CCDC171: variants seen among roughly 807,000 people sequenced by gnomAD.
CCDC171 encodes the protein coiled-coil domain-containing protein 171.
In CCDC171, 177 loss-of-function variants were observed where a neutral mutation model predicts 168.2. The observed-to-expected ratio is 1.05, with a 90% CI of 0.93 to 1.19. CCDC171 has a LOEUF of 1.19. Ranked by LOEUF, CCDC171 falls within the 50% of genes most tolerant of loss-of-function variation. CCDC171 has a pLI of 0.00. For missense variants in CCDC171, 1,991 were observed against 1,539.0 expected (o/e 1.29, Z -4.91); for synonymous variants, 687 against 540.8 (o/e 1.27, Z -3.75).
chr9:15,576,390 G>A (rs1407268133), intron 3 of CCDC171, among the ~76,000 whole-genome samples: 1 of 151,940 alleles, frequency 6.6e-6, no homozygotes, highest in Non-Finnish European at 1.5e-5. Context: ...GTCTTGCTGT[G>A]TTGCTCAGGT....
chr9:16,013,851 T>C (rs1473224289), intron 3 of CCDC171, among the ~76,000 whole-genome samples: 1 of 152,258 alleles, frequency 6.6e-6, no homozygotes, highest in Non-Finnish European at 1.5e-5. Context: ...AAAAATATTT[T>C]CTTGTAAAAC....
At chr9:16,077,122 T>A in the CCDC171 span, among the ~76,000 whole-genome samples, 1 of 152,142 alleles carries the variant, frequency 6.6e-6, no homozygotes, top group African/African-American at 2.4e-5. Flanking sequence ...CAGGTGGGAT[T>A]CCTTGACTTC....
chr9:16,023,707 T>C (rs1407765720), intron 6 of CCDC171, among the ~76,000 whole-genome samples: 1 of 152,178 alleles, frequency 6.6e-6, no homozygotes, highest in Non-Finnish European at 1.5e-5. Flanking sequence ...ATTCAACTTT[T>C]TTTTTGCTTT....
downstream of CCDC171, among the ~76,000 whole-genome samples, chr9:15,978,314 A>C (rs1831683577): frequency 6.6e-6 from 1 of 152,184 alleles, no homozygotes; most frequent in Non-Finnish European, 1.5e-5. Context: ...CACAATTAAA[A>C]GTGCTTTCTA....
At position 15,623,382 on chromosome 9, in the gene CCDC171, A is replaced by G. The variant is rs775878363; in HGVS notation, c.791A>G (p.Gln264Arg). The change falls in exon 7 of 26, where the codon CAA becomes CGA. Residue 264 changes from glutamine (Q) to arginine (R), a missense_variant. Physicochemically the swap from Gln to Arg is conservative, Grantham distance 43. Transcript: ENST00000380701. ...ACAAGTGAACTTGAATTTAGCACTC[A>G]ACGAGAGGAACGCCTTAGAAAAGAA... ...RQTSELEFST[Q>R]REERLRKEFE... The G allele has an allele frequency of 2.5e-6, 4 of 1,611,610 alleles. No homozygotes were observed. The highest frequency in any genetic ancestry group is 3.4e-6 in the Non-Finnish European group (4 of 1,178,568).
intron 25 of CCDC171, among the ~76,000 whole-genome samples, chr9:15,953,588 T>A (rs1829450399): frequency 6.6e-6 from 1 of 152,160 alleles, no homozygotes; most frequent in East Asian, 1.9e-4. Flanking sequence ...TTGTATTTTG[T>A]TGAGGATTTT....
intron 23 of CCDC171, among the ~76,000 whole-genome samples, chr9:15,855,811 T>G (rs1454082019): frequency 1.3e-5 from 2 of 151,862 alleles, no homozygotes; most frequent in Non-Finnish European, 2.9e-5. Flanking sequence ...TTTAAAAAAT[T>G]TTGCTCTTAA....
intron 7 of CCDC171, among the ~76,000 whole-genome samples, chr9:15,646,758 T>C (rs910914123): frequency 2.0e-5 from 3 of 152,148 alleles, no homozygotes; most frequent in African/African-American, 7.2e-5. Context: ...AAACAAATCC[T>C]TAGAGACCTA....
chr9:15,910,463 C>T (rs771362968), intron 24 of CCDC171, among the ~76,000 whole-genome samples: 111 of 152,152 alleles, frequency 7.3e-4, no homozygotes, highest in Admixed American at 3.4e-3. Context: ...ATTTTGCTTA[C>T]GATAGCCTTG....
chr9:15,667,211 A>T (rs2048794071), intron 9 of CCDC171, among the ~76,000 whole-genome samples: 1 of 152,132 alleles, frequency 6.6e-6, no homozygotes, highest in South Asian at 2.1e-4. Flanking sequence ...TTCCCCCCCC[A>T]GAGGGTGAAA....
At chr9:15,673,662 A>T (rs1396176822) in intron 9 of CCDC171, among the ~76,000 whole-genome samples, 1 of 152,142 alleles carries the variant, frequency 6.6e-6, no homozygotes, top group East Asian at 1.9e-4. Flanking sequence ...ATTCATTTGC[A>T]TATATTGAAC....
chr9:15,719,873 CT>C (rs146274717), intron 11 of CCDC171, among the ~76,000 whole-genome samples: 4,146 of 151,254 alleles, frequency 0.027, 216 homozygotes, highest in African/African-American at 0.095. Context: ...TTATACATTA[CT>C]TTTTTTTTCA....
At chr9:15,722,186 G>T (rs1238372298) in intron 12 of CCDC171, among the ~76,000 whole-genome samples, 1 of 152,124 alleles carries the variant, frequency 6.6e-6, no homozygotes, top group Non-Finnish European at 1.5e-5. Flanking sequence ...AAGTTAATAT[G>T]TACTGTATTT....
At chr9:16,083,390 C>A in the CCDC171 span, among the ~76,000 whole-genome samples, 1 of 152,284 alleles carries the variant, frequency 6.6e-6, no homozygotes, top group South Asian at 2.1e-4. Flanking sequence ...GGGTTCTACT[C>A]TCTTTCTACC....
At chr9:15,803,195 C>T (rs1196853141) in intron 21 of CCDC171, among the ~76,000 whole-genome samples, 2 of 152,120 alleles carry the variant, frequency 1.3e-5, no homozygotes, top group Non-Finnish European at 1.5e-5. Context: ...AAAAATTTCT[C>T]CCATTCTTAG....
At chr9:16,022,098 G>A (rs112007898) in intron 4 of CCDC171, among the ~76,000 whole-genome samples, 2,787 of 152,274 alleles carry the variant, frequency 0.018, 79 homozygotes, top group African/African-American at 0.062. Flanking sequence ...CATATGAGTG[G>A]TGGACACAGT....
intron 3 of CCDC171, among the ~76,000 whole-genome samples, chr9:16,012,868 C>T (rs886567184): frequency 7.9e-5 from 12 of 152,130 alleles, no homozygotes; most frequent in Admixed American, 4.6e-4. Flanking sequence ...GCTGAATTTA[C>T]AGGCAGAGAG....
intron 16 of CCDC171, among the ~76,000 whole-genome samples, chr9:15,742,954 T>C (rs1369425336): frequency 6.6e-6 from 1 of 152,020 alleles, no homozygotes; most frequent in Non-Finnish European, 1.5e-5. Flanking sequence ...TTTAAATTTT[T>C]TTTTTGTAGA....
chr9:15,743,021 C>T (rs1216289487), intron 16 of CCDC171, among the ~76,000 whole-genome samples: 1 of 151,986 alleles, frequency 6.6e-6, no homozygotes, highest in African/African-American at 2.4e-5. Flanking sequence ...TCAAGTGATC[C>T]TCTCACCTTG....
Sources: allele counts gnomAD v4.1 joint callset (sites outside exome capture counted in the v4.1 genomes callset), GRCh38; gene constraint gnomAD v4.1.1; transcripts MANE v1.5; gene names NCBI Gene and HGNC (gene_info 2026-07-23, HGNC 2026-07-21).